TCF7L1: variants seen among roughly 807,000 people sequenced by gnomAD.
TCF7L1 encodes the protein transcription factor 7-like 1.
In TCF7L1, 18 loss-of-function variants were observed where a neutral mutation model predicts 63.7. The ratio of observed to expected loss-of-function variants is 0.28; its 90% CI spans 0.20 to 0.42. The LOEUF (loss-of-function observed/expected upper bound fraction) is 0.42. TCF7L1 is among the 10% of genes least tolerant of loss of function. The probability of loss-of-function intolerance (pLI) is 1.00; values close to 1 mark genes in which losing one functional copy is unlikely to be tolerated. For missense variants in TCF7L1, 654 were observed against 779.3 expected (o/e 0.84, Z 1.91); for synonymous variants, 355 against 340.9 (o/e 1.04, Z -0.46).
chr2:85,165,994 GTAAC>G (rs1487329642), intron 3 of TCF7L1, among the ~76,000 whole-genome samples: 5 of 152,194 alleles, frequency 3.3e-5, no homozygotes, highest in African/African-American at 1.2e-4. Context: ...ATAAATTTGT[GTAAC>G]TAACACCACA....
chr2:85,181,584 C>A (rs1193626463), intron 3 of TCF7L1, among the ~76,000 whole-genome samples: 1 of 152,152 alleles, frequency 6.6e-6, no homozygotes, highest in Non-Finnish European at 1.5e-5. Flanking sequence ...GGAAGCATTC[C>A]TTTTTGTAGT....
chr2:85,309,319 C>T lies in TCF7L1; in HGVS notation c.1624C>T (p.Leu542=), dbSNP rs1312170947. The T allele has an allele frequency of 6.2e-7, 1 of 1,613,294 alleles. No individual in the cohort carries two copies. Among genetic ancestry groups the T allele is most frequent in the Non-Finnish European group, 8.5e-7 (1 of 1,179,902 alleles). Residue 542 remains leucine (L), a synonymous_variant, in exon 12 of 12, where the codon CTG becomes TTG. Coordinates refer to ENST00000282111, the MANE Select transcript of TCF7L1 (RefSeq NM_031283.3). ...SGQMGSQPPL[L]SRPLPLGSMP... ...GCAGATGGGCAGCCAGCCTCCCCTC[C>T]TGTCCCGGCCCCTCCCCCTTGGGTC...
chr2:85,299,172 A>G (rs1246100321), intron 4 of TCF7L1, among the ~76,000 whole-genome samples: 2 of 151,994 alleles, frequency 1.3e-5, no homozygotes, highest in Non-Finnish European at 2.9e-5. Context: ...CAGGCCAAAT[A>G]CAGCACATGA....
intron 4 of TCF7L1, among the ~76,000 whole-genome samples, chr2:85,295,124 A>G (rs1681811442): frequency 6.6e-6 from 1 of 152,090 alleles, no homozygotes; most frequent in Non-Finnish European, 1.5e-5. Context: ...AACCCATAGC[A>G]TATCCTGTTG....
intron 4 of TCF7L1, among the ~76,000 whole-genome samples, chr2:85,293,718 G>A (rs1031494231): frequency 5.3e-5 from 8 of 152,198 alleles, no homozygotes; most frequent in African/African-American, 1.9e-4. Flanking sequence ...TGAGATTCAA[G>A]AATGTAGAAC....
intron 3 of TCF7L1, among the ~76,000 whole-genome samples, chr2:85,267,256 G>C (rs756624015): frequency 6.6e-6 from 1 of 150,940 alleles, no homozygotes; most frequent in Non-Finnish European, 1.5e-5. Flanking sequence ...ACTTGAACCC[G>C]GGAGGCGGAG....
At position 85,309,437 on chromosome 2, in the gene TCF7L1, C is replaced by T; in HGVS notation, c.1742C>T (p.Ser581Phe). 6.5e-7 allele frequency: 1 copy of T among 1,540,494 alleles called. No homozygotes were observed. Among genetic ancestry groups the T allele is most frequent in the Non-Finnish European group, 8.7e-7 (1 of 1,143,458 alleles). ...ALPVLQAQPL[S>F]LVTKSAH ...CCGGTGCTACAGGCCCAGCCTCTTT[C>T]CCTGGTCACCAAGTCTGCCCACTAA... The change falls in exon 12 of 12, where the codon TCC (serine) becomes TTC (phenylalanine). Residue 581 changes from serine (S) to phenylalanine (F), a missense_variant. Physicochemically the swap from Ser to Phe is radical, Grantham distance 155. This residue lies in a region of TCF7L1 where 184 missense variants were observed against 204.0 expected (regional missense o/e 0.90). Coordinates refer to ENST00000282111, the MANE Select transcript of TCF7L1 (RefSeq NM_031283.3).
At chr2:85,250,507 G>A (rs1015230969) in intron 3 of TCF7L1, among the ~76,000 whole-genome samples, 1 of 152,052 alleles carries the variant, frequency 6.6e-6, no homozygotes, top group Non-Finnish European at 1.5e-5. Context: ...TGCTATCTCG[G>A]CTCACTGCAA....
chr2:85,279,466 G>A (rs1479097384), intron 3 of TCF7L1, among the ~76,000 whole-genome samples: 1 of 152,210 alleles, frequency 6.6e-6, no homozygotes, highest in Non-Finnish European at 1.5e-5. Context: ...TAGGCCTGAT[G>A]CTAGGAATTC....
At chr2:85,286,766 A>G (rs1313783560) in intron 4 of TCF7L1, among the ~76,000 whole-genome samples, 2 of 152,114 alleles carry the variant, frequency 1.3e-5, no homozygotes, top group East Asian at 3.9e-4. Context: ...AAGTGCTGGG[A>G]TTACAGGCGT....
chr2:85,277,561 G>T (rs1314163191), intron 3 of TCF7L1, among the ~76,000 whole-genome samples: 2 of 152,172 alleles, frequency 1.3e-5, no homozygotes, highest in Non-Finnish European at 2.9e-5. Flanking sequence ...GAGGCAGGAA[G>T]GACCGGTCAC....
intron 3 of TCF7L1, among the ~76,000 whole-genome samples, chr2:85,147,615 AG>A (rs1211587508): frequency 1.3e-5 from 2 of 152,112 alleles, no homozygotes; most frequent in East Asian, 3.9e-4. Context: ...CAGCTGGGCC[AG>A]GGGCCCCAGG....
At chr2:85,296,276 T>G (rs1473672653) in intron 4 of TCF7L1, among the ~76,000 whole-genome samples, 1 of 152,210 alleles carries the variant, frequency 6.6e-6, no homozygotes, top group Non-Finnish European at 1.5e-5. Context: ...TTGTCTTTCT[T>G]GACCTTCACA....
chr2:85,270,734 G>C (rs1239344997), intron 3 of TCF7L1, among the ~76,000 whole-genome samples: 3 of 152,156 alleles, frequency 2.0e-5, no homozygotes, highest in African/African-American at 7.2e-5. Context: ...CTGTCACCCA[G>C]GCTGGAGTGC....
chr2:85,252,536 T>A (rs1242450418), intron 3 of TCF7L1, among the ~76,000 whole-genome samples: 1 of 152,224 alleles, frequency 6.6e-6, no homozygotes, highest in African/African-American at 2.4e-5. Context: ...CCTGGGAGTT[T>A]GGGGAGCCTC....
At chr2:85,137,258 A>C (rs1677617305) in intron 3 of TCF7L1, among the ~76,000 whole-genome samples, 1 of 152,242 alleles carries the variant, frequency 6.6e-6, no homozygotes, top group Non-Finnish European at 1.5e-5. Flanking sequence ...ACCCACTGGC[A>C]TAATTCCTGC....
chr2:85,298,216 G>A (rs75912143), intron 4 of TCF7L1, among the ~76,000 whole-genome samples: 64,887 of 119,974 alleles, frequency 0.54, 17,645 homozygotes, highest in East Asian at 0.9. Context: ...AGTGCAGGCC[G>A]GGCGCGGTGG....
chr2:85,304,644 C>T (rs1017234534), intron 7 of TCF7L1, among the ~76,000 whole-genome samples: 6 of 152,190 alleles, frequency 3.9e-5, no homozygotes, highest in African/African-American at 9.7e-5. Flanking sequence ...GATGGAGCCG[C>T]GTCCTGATAA....
intron 3 of TCF7L1, among the ~76,000 whole-genome samples, chr2:85,184,936 T>C (rs1234172115): frequency 6.6e-6 from 1 of 152,146 alleles, no homozygotes; most frequent in African/African-American, 2.4e-5. Context: ...ATCTGTTTTG[T>C]TTCTGACTGA....
Sources: gnomAD v4.1 joint callset for allele counts (sites outside exome capture counted in the v4.1 genomes callset) on GRCh38, gnomAD v4.1.1 for gene constraint, gnomAD v4.1.1 regional missense constraint, MANE v1.5 for transcripts, NCBI Gene and HGNC (gene_info 2026-07-23, HGNC 2026-07-21) for gene names.